The following FAM13A variants were observed in gnomAD, a reference collection of about 807,000 sequenced individuals.
FAM13A encodes the protein protein FAM13A.
FAM13A carries 76 observed loss-of-function variants against 129.6 expected under a neutral mutation model. The ratio of observed to expected loss-of-function variants is 0.59; its 90% CI spans 0.49 to 0.71. The LOEUF (loss-of-function observed/expected upper bound fraction) is 0.71, where lower values mean the gene tolerates loss of function less well. Among genes scored for constraint, FAM13A ranks in the 30% least tolerant of loss-of-function variants. The probability of loss-of-function intolerance (pLI) is 0.00; values close to 1 mark genes in which losing one functional copy is unlikely to be tolerated. For synonymous variants in FAM13A, 443 were observed against 449.9 expected (o/e 0.98, Z 0.20); for missense variants, 1,108 against 1,249.3 (o/e 0.89, Z 1.70).
At chr4:88,919,550 A>G (rs1362910498) in intron 5 of FAM13A, among the ~76,000 whole-genome samples, 3 of 152,222 alleles carry the variant, frequency 2.0e-5, no homozygotes, top group Non-Finnish European at 4.4e-5. Flanking sequence ...CAACTTTAAG[A>G]GAAATGCCAG....
chr4:89,035,654 T>C (rs915530600), intron 1 of FAM13A, among the ~76,000 whole-genome samples: 2 of 152,190 alleles, frequency 1.3e-5, no homozygotes, highest in African/African-American at 4.8e-5. Flanking sequence ...GGGAGGTGAT[T>C]GGATCATGGG....
chr4:88,985,503 A>G (rs566157135), intron 4 of FAM13A, among the ~76,000 whole-genome samples: 2 of 152,344 alleles, frequency 1.3e-5, no homozygotes, highest in East Asian at 3.9e-4. Flanking sequence ...CCACACTGGG[A>G]TATCACATCT....
chr4:89,015,765 TTATA>T (rs1470699850), intron 3 of FAM13A, among the ~76,000 whole-genome samples: 1 of 151,942 alleles, frequency 6.6e-6, no homozygotes, highest in African/African-American at 2.4e-5. Flanking sequence ...TGTATGAAGT[TTATA>T]TATATATAAA....
chr4:88,732,495 A>G (rs545257620), intron 21 of FAM13A: 71 of 226,914 alleles, frequency 3.1e-4, no homozygotes, highest in Non-Finnish European at 4.9e-4. Context: ...AGGAACAACC[A>G]TCATAATTTA....
At chr4:89,031,992 G>T (rs1191220431) in intron 1 of FAM13A, among the ~76,000 whole-genome samples, 1 of 151,986 alleles carries the variant, frequency 6.6e-6, no homozygotes. Flanking sequence ...GGCCGAGGTG[G>T]GCGGATCATG....
At chr4:88,907,079 T>C (rs1748292557) in intron 5 of FAM13A, among the ~76,000 whole-genome samples, 1 of 152,254 alleles carries the variant, frequency 6.6e-6, no homozygotes, top group Non-Finnish European at 1.5e-5. Context: ...CATAACTGTA[T>C]AGATTTATTA....
At chr4:88,987,747 C>A (rs1762418224) in intron 4 of FAM13A, among the ~76,000 whole-genome samples, 1 of 143,304 alleles carries the variant, frequency 7.0e-6, no homozygotes, top group Admixed American at 7.4e-5. Flanking sequence ...GAGGCTGAGG[C>A]AGGAGAATGG....
At chr4:88,840,913 T>G (rs920478357) in intron 7 of FAM13A, among the ~76,000 whole-genome samples, 19 of 152,080 alleles carry the variant, frequency 1.2e-4, no homozygotes, top group Admixed American at 1.2e-3. Context: ...CAAATGGTGC[T>G]GGGACAACTG....
chr4:88,942,341 C>T (rs982391990), intron 4 of FAM13A, among the ~76,000 whole-genome samples: 12 of 151,726 alleles, frequency 7.9e-5, no homozygotes, highest in African/African-American at 1.9e-4. Flanking sequence ...CTGAGGTGGG[C>T]GGATCACCTG....
intron 6 of FAM13A, among the ~76,000 whole-genome samples, chr4:88,862,550 G>A (rs7673199): frequency 0.012 from 1,800 of 152,224 alleles, 44 homozygotes; most frequent in African/African-American, 0.041. Flanking sequence ...CCATGATGTG[G>A]AGAAAAAACT....
chr4:88,775,964 T>C (rs747258204), intron 11 of FAM13A, among the ~76,000 whole-genome samples: 1 of 152,212 alleles, frequency 6.6e-6, no homozygotes, highest in African/African-American at 2.4e-5. Context: ...AGTGAGATAG[T>C]TGGAACTGAA....
At chr4:88,984,408 A>C (rs921942661) in intron 4 of FAM13A, among the ~76,000 whole-genome samples, 1 of 152,216 alleles carries the variant, frequency 6.6e-6, no homozygotes, top group African/African-American at 2.4e-5. Context: ...TAAGGAATTT[A>C]TATGCAAAGT....
chr4:88,738,193 C>A (rs959139726), intron 20 of FAM13A, among the ~76,000 whole-genome samples: 1 of 152,128 alleles, frequency 6.6e-6, no homozygotes, highest in Non-Finnish European at 1.5e-5. Context: ...TAAGGCCGGG[C>A]CAGACAGGAG....
intron 3 of FAM13A, among the ~76,000 whole-genome samples, chr4:88,995,339 T>A (rs9996470): frequency 0.52 from 78,740 of 151,880 alleles, 20,520 homozygotes; most frequent in Middle Eastern, 0.62. Context: ...TGGGTGTGTC[T>A]GTGAGGGTGT....
chr4:88,952,713 C>T (rs1194343646), intron 4 of FAM13A, among the ~76,000 whole-genome samples: 8 of 152,132 alleles, frequency 5.3e-5, no homozygotes, highest in South Asian at 2.1e-4. Context: ...TTTGGGAGGC[C>T]GAGGTGGGTG....
At chr4:88,742,464 T>A (rs1019127357) in intron 19 of FAM13A, among the ~76,000 whole-genome samples, 18 of 152,232 alleles carry the variant, frequency 1.2e-4, no homozygotes, top group African/African-American at 4.3e-4. Flanking sequence ...AAAACCATTG[T>A]CATTTAACAG....
At chr4:88,871,445 C>G (rs1214130736) in intron 6 of FAM13A, among the ~76,000 whole-genome samples, 2 of 152,194 alleles carry the variant, frequency 1.3e-5, no homozygotes, top group South Asian at 2.1e-4. Flanking sequence ...GTAGAGAAGA[C>G]CTTAAAGGAC....
chr4:89,007,289 A>G (rs1387529905), intron 3 of FAM13A, among the ~76,000 whole-genome samples: 1 of 152,178 alleles, frequency 6.6e-6, no homozygotes, highest in Non-Finnish European at 1.5e-5. Context: ...TCTAGAGCTA[A>G]AAGGACAGCT....
intron 5 of FAM13A, among the ~76,000 whole-genome samples, chr4:88,923,176 G>C (rs1444404036): frequency 2.0e-5 from 3 of 152,200 alleles, no homozygotes; most frequent in Non-Finnish European, 2.9e-5. Flanking sequence ...TAGAAAAAGA[G>C]GGAATCCTCC....
Sources: allele counts gnomAD v4.1 joint callset (sites outside exome capture counted in the v4.1 genomes callset), GRCh38; gene constraint gnomAD v4.1.1; transcripts MANE v1.5; gene names NCBI Gene and HGNC (gene_info 2026-07-23, HGNC 2026-07-21).